Variants in TXLNB observed in about 807,000 individuals in gnomAD.
TXLNB encodes taxilin beta.
TXLNB carries 37 observed loss-of-function variants against 57.4 expected under a neutral mutation model. The observed-to-expected ratio is 0.64, with a 90% confidence interval of 0.50 to 0.85. TXLNB has a LOEUF of 0.85. Ranked by LOEUF, TXLNB falls within the 40% of genes least tolerant of loss-of-function variation. The probability of loss-of-function intolerance (pLI) is 0.00; values close to 1 mark genes in which losing one functional copy is unlikely to be tolerated. For missense variants in TXLNB, 848 were observed against 825.6 expected, an observed-to-expected ratio of 1.03 and a Z score of -0.33; for synonymous variants, 302 against 309.6, an observed-to-expected ratio of 0.98 and a Z score of 0.26.
At chr6:139,296,321 A>C (rs1298307904), upstream of TXLNB, among the ~76,000 whole-genome samples, 12 of 152,222 alleles carry the variant, frequency 7.9e-5, no homozygotes, top group Non-Finnish European at 1.6e-4. Context: ...TAGGTTGAAA[A>C]TAATTTTTAT....
chr6:139,262,605 T>C lies in TXLNB; in HGVS notation c.856A>G (p.Ile286Val), dbSNP rs969043827. ...TELAEKLKSIIDQYELREEHL... is the reference protein window; with the variant it reads ...TELAEKLKSIVDQYELREEHL... ...TCCTCTCTGAGCTCATACTGATCGA[T>C]GATGCTTTTCAGCTTTTCTGCAAGC... is the stretch of plus-strand genomic sequence containing the variant. Residue 286 changes from isoleucine to valine, a missense_variant, in exon 5 of 10, where the codon ATC (isoleucine) becomes GTC (valine). By Grantham distance (29) the Ile-to-Val change is conservative. Coordinates refer to ENST00000358430, the MANE Select transcript of TXLNB (RefSeq NM_153235.4). 6.2e-7 allele frequency: 1 copy of C among 1,614,154 alleles called. No homozygotes were observed. The highest frequency in any genetic ancestry group is 8.5e-7 in the Non-Finnish European group (1 of 1,180,012).
chr6:139,186,327 C>G, the TXLNB span, among the ~76,000 whole-genome samples: 31 of 152,030 alleles, frequency 2.0e-4, no homozygotes, highest in Non-Finnish European at 3.5e-4. Context: ...GATTTGTATC[C>G]AGAATACATA....
chr6:139,295,503 T>A (rs552533492), upstream of TXLNB, among the ~76,000 whole-genome samples: 24 of 152,118 alleles, frequency 1.6e-4, no homozygotes, highest in African/African-American at 5.3e-4. Context: ...AAACAATAAC[T>A]CCTTGTTCTT....
the TXLNB span, among the ~76,000 whole-genome samples, chr6:139,191,147 C>T: frequency 7.2e-5 from 11 of 151,854 alleles, no homozygotes; most frequent in African/African-American, 2.7e-4. Context: ...TGGCCAGGCG[C>T]GGTGGCTTAC....
chr6:139,280,531 G>C (rs928965994), intron 2 of TXLNB, among the ~76,000 whole-genome samples: 1 of 139,480 alleles, frequency 7.2e-6, no homozygotes, highest in African/African-American at 2.8e-5. Context: ...TGTAGTCCCA[G>C]CTACTTGGGA....
rs139756355 is a variant in TXLNB, at chr6:139,246,626, A to G, written c.1170+1191T>C. Among the ~76,000 whole-genome samples the G allele has an allele frequency of 2.2e-3, 330 of 152,308 alleles. 1 individual carries two copies. The highest frequency in any genetic ancestry group is 0.01 in the Middle Eastern group (3 of 294). On this transcript the variant is annotated intron_variant, in intron 8 of 9. Coordinates refer to ENST00000358430, the MANE Select transcript of TXLNB (RefSeq NM_153235.4). ...AGTAGTATCTGCATAGATTAAAAAA[A>G]ATTAGAGGCCAGGCATGGTGGCTCA...
At chr6:139,304,739 C>A in the TXLNB span, among the ~76,000 whole-genome samples, 4 of 152,140 alleles carry the variant, frequency 2.6e-5, no homozygotes, top group Non-Finnish European at 5.9e-5. Flanking sequence ...TTAATGAAGC[C>A]AAATGAAAAA....
chr6:139,192,509 A>C, the TXLNB span, among the ~76,000 whole-genome samples: 6 of 152,100 alleles, frequency 3.9e-5, no homozygotes, highest in African/African-American at 1.2e-4. Context: ...GATTTGGGGG[A>C]GTCTATTTCA....
intron 7 of TXLNB, 70 bp downstream of exon 7, chr6:139,255,494 C>A (rs777146501): frequency 7.3e-7 from 1 of 1,374,830 alleles, no homozygotes; most frequent in Non-Finnish European, 1.0e-6. Context: ...TGCTGCCCAC[C>A]TTTGGCCCCA....
At chr6:139,262,214 G>A (rs769565545) in intron 5 of TXLNB, among the ~76,000 whole-genome samples, 7 of 152,066 alleles carry the variant, frequency 4.6e-5, no homozygotes, top group Non-Finnish European at 1.0e-4. Context: ...CCAGAATACA[G>A]ACTCTTAATT....
the TXLNB span, chr6:139,174,274 C>T: frequency 8.0e-7 from 1 of 1,256,466 alleles, no homozygotes; most frequent in Non-Finnish European, 1.1e-6. Flanking sequence ...TATATTTATC[C>T]AAATGATAAA....
chr6:139,284,939 T>C lies in TXLNB; in HGVS notation c.424+3537A>G, dbSNP rs1212280263. Among the ~76,000 whole-genome samples, 24 of 145,598 alleles carry C rather than the reference T, an allele frequency of 1.6e-4. 1 individual carries two copies. The highest frequency in any genetic ancestry group is 5.8e-4 in the African/African-American group (23 of 39,512). Reference sequence around the variant, plus strand: ...TTTCATGCATAATGTAGCTGTTAAATAGTACAGTGTTTAAAATAATATGCT... The same window carrying C: ...TTTCATGCATAATGTAGCTGTTAAACAGTACAGTGTTTAAAATAATATGCT... On this transcript the variant is annotated intron_variant, in intron 2 of 9. Transcript: ENST00000358430.
chr6:139,243,208 A>G lies in TXLNB; in HGVS notation c.1373T>C (p.Ile458Thr). ...CTTTTCAGATATTTCTGCGTCTCTG[A>G]TTTTTTTGTGGAGTTCGTTTCTCTC... ...QEERNELHKK[I>T]RDAEISEKDD... Residue 458 changes from isoleucine (I) to threonine (T), a missense_variant, in exon 10 of 10, where the codon ATC becomes ACC. Ile to Thr is a moderately conservative substitution (Grantham distance 89). Coordinates refer to ENST00000358430, the MANE Select transcript of TXLNB (RefSeq NM_153235.4). 6.2e-7 allele frequency: 1 copy of G among 1,613,838 alleles called. No individual in the cohort carries two copies. Among genetic ancestry groups the G allele is most frequent in the South Asian group, 1.1e-5 (1 of 91,062 alleles).
intron 8 of TXLNB, among the ~76,000 whole-genome samples, chr6:139,245,939 C>A (rs371471390): frequency 6.6e-6 from 1 of 152,108 alleles, no homozygotes; most frequent in Non-Finnish European, 1.5e-5. Flanking sequence ...GTGATCCACC[C>A]GCCTCAGCCT....
rs761843301 is a variant in TXLNB at position 139,285,819 on chromosome 6, G to A, written c.424+2657C>T. Reference sequence around the variant, plus strand: ...CAGATATCTCCAACCCTCAGGCCACGGACTGGTACCAGTCATTGTGGGCTG... The same window carrying A: ...CAGATATCTCCAACCCTCAGGCCACAGACTGGTACCAGTCATTGTGGGCTG... On this transcript the variant is annotated intron_variant, in intron 2 of 9. Coordinates refer to ENST00000358430, the MANE Select transcript of TXLNB (RefSeq NM_153235.4). Among the ~76,000 whole-genome samples the A allele has an allele frequency of 1.2e-4, 17 of 145,126 alleles. 2 individuals are homozygous for A. The highest frequency in any genetic ancestry group is 3.3e-4 in the African/African-American group (13 of 39,478).
intron 3 of TXLNB, chr6:139,271,604 ATTTG>A (rs1776765836): frequency 6.6e-6 from 1 of 152,198 alleles, no homozygotes; most frequent in African/African-American, 2.4e-5. Context: ...CCAAAAAGTT[ATTTG>A]TTGTTTGTCT....
the TXLNB span, among the ~76,000 whole-genome samples, chr6:139,308,905 C>A: frequency 6.6e-6 from 1 of 152,204 alleles, no homozygotes; most frequent in African/African-American, 2.4e-5. Context: ...GTGTTGACCG[C>A]TTAGCATCCA....
At chr6:139,307,569 G>C in the TXLNB span, among the ~76,000 whole-genome samples, 1 of 152,176 alleles carries the variant, frequency 6.6e-6, no homozygotes, top group Non-Finnish European at 1.5e-5. Flanking sequence ...AACATATTCA[G>C]GTGAGCTTAT....
At chr6:139,215,889 G>A in the TXLNB span, among the ~76,000 whole-genome samples, 1 of 152,088 alleles carries the variant, frequency 6.6e-6, no homozygotes, top group South Asian at 2.1e-4. Context: ...ACCATCACTG[G>A]CCATCAGAGA....
Sources: gnomAD v4.1 joint callset for allele counts (sites outside exome capture counted in the v4.1 genomes callset) on GRCh38, gnomAD v4.1.1 for gene constraint, MANE v1.5 for transcripts, NCBI Gene and HGNC (gene_info 2026-07-23, HGNC 2026-07-21) for gene names.